MYRIP: variants seen among roughly 807,000 people sequenced by gnomAD.
MYRIP encodes the protein myosin VIIA and Rab interacting protein, also known as rab effector MyRIP.
A neutral mutation model predicts 98.0 loss-of-function variants in MYRIP; 49 were observed. That is an observed-to-expected ratio of 0.50 (90% confidence interval 0.40 to 0.63). The LOEUF (loss-of-function observed/expected upper bound fraction) is 0.63, where lower values mean the gene tolerates loss of function less well. Among genes scored for constraint, MYRIP ranks in the 30% least tolerant of loss-of-function variants. The pLI, the probability that MYRIP is intolerant of heterozygous loss-of-function variation, is 0.00. For synonymous variants in MYRIP, 404 were observed against 409.5 expected, an observed-to-expected ratio of 0.99 and a Z score of 0.16; for missense variants, 1,004 against 1,058.2, an observed-to-expected ratio of 0.95 and a Z score of 0.71.
intron 2 of MYRIP, among the ~76,000 whole-genome samples, chr3:39,990,894 C>T: frequency 6.6e-6 from 1 of 152,136 alleles, no homozygotes; most frequent in South Asian, 2.1e-4. Context: ...AGCAAACTGT[C>T]ACAAGATCAG....
chr3:39,886,756 C>T (rs1943314317), intron 1 of MYRIP, among the ~76,000 whole-genome samples: 1 of 151,322 alleles, frequency 6.6e-6, no homozygotes, highest in Admixed American at 6.6e-5. Flanking sequence ...TTTAACACCC[C>T]ACTGTCAACA....
chr3:39,956,073 A>G (rs906987304), intron 2 of MYRIP, among the ~76,000 whole-genome samples: 1 of 152,178 alleles, frequency 6.6e-6, no homozygotes, highest in Admixed American at 6.5e-5. Context: ...CCACACAATA[A>G]TAATGGGAGA....
intron 11 of MYRIP, among the ~76,000 whole-genome samples, chr3:40,228,868 G>C (rs1482613368): frequency 1.3e-5 from 2 of 152,174 alleles, no homozygotes; most frequent in African/African-American, 4.8e-5. Context: ...GCTGGGGCTG[G>C]AATCCCCGCT....
intron 2 of MYRIP, among the ~76,000 whole-genome samples, chr3:39,980,523 A>G (rs1245461094): frequency 6.6e-6 from 1 of 152,208 alleles, no homozygotes; most frequent in African/African-American, 2.4e-5. Context: ...GCTTTCTTCA[A>G]AATCCTCCAG....
At chr3:39,857,255 G>GAGGAAGGAAGGAAGGA (rs144396473) in intron 1 of MYRIP, among the ~76,000 whole-genome samples, 6,181 of 135,872 alleles carry the variant, frequency 0.045, 212 homozygotes, top group African/African-American at 0.062. Context: ...GGGAGGGAGG[G>GAGGAAGGAAGGAAGGA]AGGAAGGAAG....
At chr3:39,907,559 C>T (rs970817814) in intron 2 of MYRIP, among the ~76,000 whole-genome samples, 1 of 152,126 alleles carries the variant, frequency 6.6e-6, no homozygotes, top group Non-Finnish European at 1.5e-5. Flanking sequence ...GAGCCTGATC[C>T]CTTTGACACT....
At chr3:40,067,614 G>A (rs968945547) in intron 3 of MYRIP, among the ~76,000 whole-genome samples, 2 of 152,210 alleles carry the variant, frequency 1.3e-5, no homozygotes, top group Non-Finnish European at 1.5e-5. Context: ...AGTCAAGCTA[G>A]GTATTGTACT....
In MYRIP at chr3:39,826,720, T is replaced by C. The variant is rs1055892974; in HGVS notation, c.-31+16804T>C. On this transcript the variant is annotated intron_variant, in intron 1 of 16. Coordinates refer to ENST00000302541, the MANE Select transcript of MYRIP (RefSeq NM_015460.4). ...TATTCTGTCTAAATGATCTGTCTAA[T>C]GCTGAGAGTGGGGAGCTGACATCCT... Among the ~76,000 whole-genome samples the C allele has an allele frequency of 2.6e-5, 4 of 152,196 alleles. No individual in the cohort carries two copies. The South Asian group carries it at 8.3e-4, about 31-fold the overall frequency.
At chr3:40,076,673 T>C (rs1265542789) in intron 3 of MYRIP, among the ~76,000 whole-genome samples, 1 of 152,148 alleles carries the variant, frequency 6.6e-6, no homozygotes, top group Non-Finnish European at 1.5e-5. Flanking sequence ...CCCATTCCAT[T>C]GTTAAGAGCA....
chr3:39,970,159 G>C (rs1945545676), intron 2 of MYRIP: 2 of 151,986 alleles, frequency 1.3e-5, no homozygotes, highest in Admixed American at 6.6e-5. Context: ...TAGCCAATGA[G>C]GTTTATCTGA....
chr3:40,018,515 C>A (rs1470779621), intron 2 of MYRIP, among the ~76,000 whole-genome samples: 1 of 152,126 alleles, frequency 6.6e-6, no homozygotes, highest in Non-Finnish European at 1.5e-5. Flanking sequence ...TTATGCAGAC[C>A]AAAGACATGA....
At chr3:40,071,049 G>A (rs6786793) in intron 3 of MYRIP, 128,522 of 773,458 alleles carry the variant, frequency 0.17, 10,764 homozygotes, top group East Asian at 0.2. Context: ...CAAAGCCAAA[G>A]CAAGATGCAT....
At chr3:40,008,489 C>T (rs995363585) in intron 2 of MYRIP, among the ~76,000 whole-genome samples, 7 of 152,030 alleles carry the variant, frequency 4.6e-5, no homozygotes, top group African/African-American at 1.7e-4. Flanking sequence ...GCTGTAAGTC[C>T]CTGCTTTGTC....
intron 2 of MYRIP, among the ~76,000 whole-genome samples, chr3:39,911,368 A>G (rs1944017216): frequency 6.6e-6 from 1 of 152,134 alleles, no homozygotes. Context: ...TAATTTGGAG[A>G]TTCAAATATG....
chr3:39,962,903 A>G (rs1202609981), intron 2 of MYRIP, among the ~76,000 whole-genome samples: 2 of 152,150 alleles, frequency 1.3e-5, no homozygotes, highest in Non-Finnish European at 2.9e-5. Flanking sequence ...GAGCAGTAGA[A>G]TTATAGATGA....
intron 16 of MYRIP, among the ~76,000 whole-genome samples, chr3:40,256,766 A>G (rs1342714244): frequency 6.7e-6 from 1 of 149,984 alleles, no homozygotes; most frequent in Non-Finnish European, 1.5e-5. Flanking sequence ...GATTTTGCTG[A>G]TTTTTTTTTT....
intron 2 of MYRIP, among the ~76,000 whole-genome samples, chr3:40,028,298 C>T (rs1414450427): frequency 6.6e-6 from 1 of 152,172 alleles, no homozygotes; most frequent in Non-Finnish European, 1.5e-5. Context: ...AAAGATCAGA[C>T]TAAGCATGTT....
chr3:39,815,306 C>A (rs965154881), intron 1 of MYRIP, among the ~76,000 whole-genome samples: 2 of 152,092 alleles, frequency 1.3e-5, no homozygotes, highest in Admixed American at 6.5e-5. Flanking sequence ...TTGTGTCTGG[C>A]TTCTTTCACT....
At chr3:39,972,662 C>T (rs750443325) in intron 2 of MYRIP, among the ~76,000 whole-genome samples, 10 of 151,984 alleles carry the variant, frequency 6.6e-5, no homozygotes, top group South Asian at 2.1e-4. Context: ...GATTATGCTT[C>T]GGCAGATTAA....
Sources: gnomAD v4.1 joint callset for allele counts (sites outside exome capture counted in the v4.1 genomes callset) on GRCh38, gnomAD v4.1.1 for gene constraint, MANE v1.5 for transcripts, NCBI Gene and HGNC (gene_info 2026-07-23, HGNC 2026-07-21) for gene names.